Variants in DPP10 observed in about 807,000 individuals in gnomAD.
DPP10 encodes dipeptidyl peptidase like 10, also known as inactive dipeptidyl peptidase 10.
In DPP10, 33 loss-of-function variants were observed where a neutral mutation model predicts 120.9. The observed-to-expected ratio is 0.27, with a 90% CI of 0.21 to 0.37. DPP10 has a LOEUF of 0.37. Among genes scored for constraint, DPP10 ranks in the 10% least tolerant of loss-of-function variants. The pLI is 1.00. For missense variants in DPP10, 816 were observed against 942.8 expected (o/e 0.87, Z 1.76); for synonymous variants, 337 against 326.1 (o/e 1.03, Z -0.36).
intron 3 of DPP10, among the ~76,000 whole-genome samples, chr2:115,480,805 A>C (rs757460428): frequency 5.3e-5 from 8 of 152,144 alleles, no homozygotes; most frequent in Non-Finnish European, 8.8e-5. Flanking sequence ...TTGTATGCGA[A>C]AAAAATGGTG....
At chr2:115,167,293 G>A (rs1400665785) in intron 1 of DPP10, among the ~76,000 whole-genome samples, 1 of 151,396 alleles carries the variant, frequency 6.6e-6, no homozygotes, top group African/African-American at 2.4e-5. Flanking sequence ...CTGGTGCAGT[G>A]GCTCCCACTT....
chr2:115,714,432 A>T (rs536541392), intron 7 of DPP10, among the ~76,000 whole-genome samples: 12 of 152,334 alleles, frequency 7.9e-5, no homozygotes, highest in Admixed American at 3.3e-4. Flanking sequence ...AAATTGGACC[A>T]GTATTGTACT....
intron 1 of DPP10, among the ~76,000 whole-genome samples, chr2:115,299,149 T>C (rs2061014417): frequency 6.6e-6 from 1 of 152,196 alleles, no homozygotes; most frequent in Non-Finnish European, 1.5e-5. Flanking sequence ...TTTCAGTTTC[T>C]ATCCCTCTTT....
chr2:114,505,460 T>TG (rs1437056452), intron 1 of DPP10, among the ~76,000 whole-genome samples: 3 of 151,822 alleles, frequency 2.0e-5, no homozygotes, highest in African/African-American at 7.3e-5. Flanking sequence ...GAAATTTATG[T>TG]GTTTTTTTTT....
intron 3 of DPP10, among the ~76,000 whole-genome samples, chr2:115,351,010 C>A (rs2063993037): frequency 6.6e-6 from 1 of 152,052 alleles, no homozygotes; most frequent in African/African-American, 2.4e-5. Context: ...GACTAGCAAT[C>A]TTATTAATGG....
At chr2:115,428,885 G>A (rs549408467) in intron 3 of DPP10, among the ~76,000 whole-genome samples, 8 of 152,132 alleles carry the variant, frequency 5.3e-5, no homozygotes, top group African/African-American at 1.7e-4. Context: ...TGGCTGAATC[G>A]GACCTTATAT....
At chr2:115,287,706 G>A (rs7565854) in intron 1 of DPP10, among the ~76,000 whole-genome samples, 104,544 of 151,858 alleles carry the variant, frequency 0.69, 36,814 homozygotes, top group East Asian at 0.89. Flanking sequence ...GCATTGCTGT[G>A]CACCAACAAT....
intron 1 of DPP10, among the ~76,000 whole-genome samples, chr2:115,010,823 A>G (rs368092413): frequency 6.6e-6 from 1 of 152,142 alleles, no homozygotes; most frequent in Admixed American, 6.5e-5. Flanking sequence ...CAAACCTTCT[A>G]CTGTTGCCAG....
At chr2:114,880,051 T>C (rs1244635464) in intron 1 of DPP10, among the ~76,000 whole-genome samples, 1 of 152,202 alleles carries the variant, frequency 6.6e-6, no homozygotes, top group Non-Finnish European at 1.5e-5. Flanking sequence ...ATTATACTTA[T>C]TCCCTGTGGA....
At chr2:115,282,001 T>A (rs951046956) in intron 1 of DPP10, among the ~76,000 whole-genome samples, 1 of 152,092 alleles carries the variant, frequency 6.6e-6, no homozygotes, top group Non-Finnish European at 1.5e-5. Context: ...TAAAATGCAA[T>A]TGGAGTATAT....
intron 12 of DPP10, among the ~76,000 whole-genome samples, chr2:115,763,791 C>T (rs1351158402): frequency 6.6e-6 from 1 of 152,132 alleles, no homozygotes; most frequent in Non-Finnish European, 1.5e-5. Context: ...TTTCTCTCTT[C>T]TTTCTGTCCT....
At chr2:115,158,371 A>G (rs1035633727) in intron 1 of DPP10, among the ~76,000 whole-genome samples, 1 of 152,216 alleles carries the variant, frequency 6.6e-6, no homozygotes, top group South Asian at 2.1e-4. Flanking sequence ...AAACAGCAAG[A>G]GAAAGAAAGA....
At chr2:114,466,877 C>G (rs1320208465) in intron 1 of DPP10, among the ~76,000 whole-genome samples, 2 of 152,010 alleles carry the variant, frequency 1.3e-5, no homozygotes, top group Non-Finnish European at 2.9e-5. Flanking sequence ...AACTGCATCT[C>G]TACTAAAAAT....
chr2:115,260,031 A>G (rs2059183916), intron 1 of DPP10, among the ~76,000 whole-genome samples: 1 of 151,390 alleles, frequency 6.6e-6, no homozygotes, highest in South Asian at 2.1e-4. Context: ...AAACTAATAA[A>G]TTTGAAAATT....
intron 5 of DPP10, among the ~76,000 whole-genome samples, chr2:115,671,234 A>G (rs2089848156): frequency 6.6e-6 from 1 of 151,978 alleles, no homozygotes; most frequent in Non-Finnish European, 1.5e-5. Flanking sequence ...AGTAAGAAAA[A>G]TATATACATT....
chr2:115,738,164 A>G (rs183149964), intron 8 of DPP10, among the ~76,000 whole-genome samples: 1 of 152,168 alleles, frequency 6.6e-6, no homozygotes, highest in African/African-American at 2.4e-5. Context: ...TTACCCTAAA[A>G]GAGCAAATGG....
rs530810456 is a variant in DPP10, at chr2:115,803,068, G to A, written c.1700+11712G>A. Among the ~76,000 whole-genome samples, 793 of 152,278 alleles carry A rather than the reference G, an allele frequency of 5.2e-3. 8 individuals carry two copies. Among genetic ancestry groups the A allele is most frequent in the Non-Finnish European group, 9.7e-3 (658 of 68,008 alleles). On this transcript the variant is annotated intron_variant, in intron 19 of 25. Transcript: ENST00000410059. ...CCATTATTATTGTGTGGGATTCTAA[G>A]TCTCTTTGTAGGTCACTAAGGACTT... is the stretch of plus-strand genomic sequence containing the variant.
At chr2:115,396,914 T>C (rs925168378) in intron 3 of DPP10, among the ~76,000 whole-genome samples, 3 of 152,082 alleles carry the variant, frequency 2.0e-5, no homozygotes, top group African/African-American at 7.2e-5. Context: ...ATCTCCTTAT[T>C]TGAGGAAAGA....
intron 1 of DPP10, among the ~76,000 whole-genome samples, chr2:115,216,917 A>G (rs976593680): frequency 1.3e-5 from 2 of 152,030 alleles, no homozygotes; most frequent in African/African-American, 4.8e-5. Context: ...ATATACACGT[A>G]TATATGTCTA....
Sources: allele counts gnomAD v4.1 joint callset (sites outside exome capture counted in the v4.1 genomes callset), GRCh38; gene constraint gnomAD v4.1.1; transcripts MANE v1.5; gene names NCBI Gene and HGNC (gene_info 2026-07-23, HGNC 2026-07-21).